The following PTPRN2 variants were observed in gnomAD, a reference collection of about 807,000 sequenced individuals.
The protein encoded by PTPRN2 is protein tyrosine phosphatase receptor type N2, also known as receptor-type tyrosine-protein phosphatase N2.
A neutral mutation model predicts 118.8 loss-of-function variants in PTPRN2; 74 were observed. That is an observed-to-expected ratio of 0.62 (90% CI 0.52 to 0.76). PTPRN2 has a LOEUF of 0.76. Among genes scored for constraint, PTPRN2 ranks in the 30% least tolerant of loss-of-function variants. The pLI, the probability that PTPRN2 is intolerant of heterozygous loss-of-function variation, is 0.00. For missense variants in PTPRN2, 1,481 were observed against 1,394.4 expected, an observed-to-expected ratio of 1.06 and a Z score of -0.99; for synonymous variants, 641 against 608.0, an observed-to-expected ratio of 1.05 and a Z score of -0.80.
At chr7:158,185,768 T>A (rs1825079094) in intron 5 of PTPRN2, among the ~76,000 whole-genome samples, 1 of 152,186 alleles carries the variant, frequency 6.6e-6, no homozygotes, top group Non-Finnish European at 1.5e-5. Flanking sequence ...AGACTCGAGA[T>A]CCCTTTATGC....
At chr7:157,826,255 A>G (rs975543561) in intron 12 of PTPRN2, among the ~76,000 whole-genome samples, 1 of 111,342 alleles carries the variant, frequency 9.0e-6, no homozygotes, top group African/African-American at 3.6e-5. Context: ...TGCTGTGCAA[A>G]GACGGCAGCA....
intron 11 of PTPRN2, among the ~76,000 whole-genome samples, chr7:158,009,480 GTA>G (rs1805890786): frequency 6.6e-6 from 1 of 152,018 alleles, no homozygotes; most frequent in Non-Finnish European, 1.5e-5. Context: ...AGAAATGTTG[GTA>G]TATGTGATTT....
chr7:157,706,358 C>T (rs1307651467), intron 12 of PTPRN2, among the ~76,000 whole-genome samples: 3 of 151,912 alleles, frequency 2.0e-5, no homozygotes, highest in East Asian at 1.9e-4. Context: ...CAGTGCCTTC[C>T]GGATCAACAT....
chr7:157,679,959 G>A (rs930872696), intron 13 of PTPRN2, among the ~76,000 whole-genome samples: 10 of 152,218 alleles, frequency 6.6e-5, no homozygotes, highest in East Asian at 1.9e-4. Flanking sequence ...CCACGCACCC[G>A]TCTCCTCCAC....
rs553706657 is a variant in PTPRN2, at chr7:157,771,454, C to G, written c.1789-88517G>C. Reference sequence around the variant, plus strand: ...CATGCCCTTCTGTGGCTTGCAGCAGCTGACACTGACACCTCTTTGCCAACT... The same window carrying G: ...CATGCCCTTCTGTGGCTTGCAGCAGGTGACACTGACACCTCTTTGCCAACT... On this transcript the variant is annotated intron_variant, in intron 12 of 22. Transcript: ENST00000389418. Among the ~76,000 whole-genome samples the G allele has an allele frequency of 2.0e-5, 3 of 152,374 alleles. No homozygotes were observed. The East Asian group carries it at 5.8e-4, about 29-fold the overall frequency.
intron 6 of PTPRN2, among the ~76,000 whole-genome samples, chr7:158,144,379 C>T (rs921589937): frequency 9.2e-5 from 14 of 152,114 alleles, no homozygotes; most frequent in African/African-American, 1.7e-4. Flanking sequence ...GGCTCACACC[C>T]GTAATCCCAG....
intron 2 of PTPRN2, among the ~76,000 whole-genome samples, chr7:158,364,134 A>T (rs1331565360): frequency 6.6e-6 from 1 of 151,998 alleles, no homozygotes; most frequent in African/African-American, 2.4e-5. Context: ...TTCCCCCAGC[A>T]GGGTCTGCAG....
chr7:158,013,903 T>A (rs1252274065), intron 11 of PTPRN2, among the ~76,000 whole-genome samples: 1 of 61,620 alleles, frequency 1.6e-5, no homozygotes, highest in East Asian at 6.8e-4. Context: ...TACCTGTTCA[T>A]CCATCCATCT....
intron 12 of PTPRN2, among the ~76,000 whole-genome samples, chr7:157,804,598 A>G (rs868776994): frequency 5.3e-5 from 8 of 152,136 alleles, no homozygotes; most frequent in Middle Eastern, 3.2e-3. Flanking sequence ...ATAGCTCTAG[A>G]TGAGGGGTGA....
At chr7:158,002,116 G>A (rs1052975992) in intron 11 of PTPRN2, among the ~76,000 whole-genome samples, 1 of 152,208 alleles carries the variant, frequency 6.6e-6, no homozygotes, top group Non-Finnish European at 1.5e-5. Context: ...CCACCGAGGC[G>A]GGAGCCACAT....
intron 6 of PTPRN2, among the ~76,000 whole-genome samples, chr7:158,138,765 C>T (rs551616865): frequency 6.6e-6 from 1 of 152,210 alleles, no homozygotes. Context: ...ACAGACTCAT[C>T]CACGCGCTCA....
intron 19 of PTPRN2, among the ~76,000 whole-genome samples, chr7:157,574,593 A>G (rs1017804719): frequency 1.3e-5 from 2 of 152,192 alleles, no homozygotes; most frequent in African/African-American, 4.8e-5. Context: ...GTTTCTCTTT[A>G]AAGTGTAAAT....
chr7:158,525,347 G>T lies in PTPRN2; in HGVS notation c.113-35562C>A, dbSNP rs1321598194. Among the ~76,000 whole-genome samples the T allele has an allele frequency of 6.6e-6, 1 of 152,236 alleles. No homozygotes were observed. Among genetic ancestry groups the T allele is most frequent in the Non-Finnish European group, 1.5e-5 (1 of 68,044 alleles). On this transcript the variant is annotated intron_variant, in intron 1 of 22. Transcript: ENST00000389418. The surrounding 1 kb of genome is among the most constrained non-coding windows in gnomAD (Gnocchi z 4.1). ...TGAGACCCGAGCAGAAGCTGCAGCAGAAGGTAGCACGGGCAGGATGCTAGG... is the reference window on the plus strand; with the variant it reads ...TGAGACCCGAGCAGAAGCTGCAGCATAAGGTAGCACGGGCAGGATGCTAGG...
intron 11 of PTPRN2, among the ~76,000 whole-genome samples, chr7:158,010,971 C>T (rs895223347): frequency 2.0e-5 from 3 of 152,190 alleles, no homozygotes; most frequent in Non-Finnish European, 4.4e-5. Context: ...GAATAACAAT[C>T]GCCTCCACGG....
At chr7:157,989,446 A>G (rs56067552) in intron 11 of PTPRN2, among the ~76,000 whole-genome samples, 10,145 of 152,172 alleles carry the variant, frequency 0.067, 418 homozygotes, top group South Asian at 0.18. Context: ...AGAGAAAAAG[A>G]AAAGAAAGAA....
intron 8 of PTPRN2, among the ~76,000 whole-genome samples, chr7:158,134,514 T>C (rs939158856): frequency 6.6e-6 from 1 of 152,162 alleles, no homozygotes; most frequent in Non-Finnish European, 1.5e-5. Context: ...CTGTACTAAA[T>C]GCGTTATCTG....
intron 12 of PTPRN2, among the ~76,000 whole-genome samples, chr7:157,701,046 C>G (rs1798042916): frequency 6.6e-6 from 1 of 152,370 alleles, no homozygotes; most frequent in Non-Finnish European, 1.5e-5. Flanking sequence ...GTCAGCATGA[C>G]AGCAGCGGCT....
At chr7:158,122,120 C>T (rs1817223089) in intron 9 of PTPRN2, among the ~76,000 whole-genome samples, 1 of 152,170 alleles carries the variant, frequency 6.6e-6, no homozygotes, top group Admixed American at 6.5e-5. Flanking sequence ...ACTAATATTG[C>T]CGTAGAAGAG....
Position 157,560,752 on chromosome 7 carries a change from T to G in PTPRN2, c.2902+8150A>C, listed in dbSNP as rs533176927. 6.6e-5 allele frequency among the ~76,000 whole-genome samples: 10 copies of G among 152,316 alleles called. No individual in the cohort carries two copies. The highest frequency in any genetic ancestry group is 4.6e-4 in the Admixed American group (7 of 15,304). On this transcript the variant is annotated intron_variant, in intron 21 of 22. Transcript: ENST00000389418. The surrounding 1 kb of genome is among the most constrained non-coding windows in gnomAD (Gnocchi z 6.7). ...ACCTCACCCAATTCTGGGCACTTTT[T>G]CAGCCTGAAACTTGCCTGAGCGAGA...
Sources: allele counts gnomAD v4.1 joint callset (sites outside exome capture counted in the v4.1 genomes callset), GRCh38; gene constraint gnomAD v4.1.1; non-coding constraint Gnocchi (gnomAD v3.1); transcripts MANE v1.5; gene names NCBI Gene and HGNC (gene_info 2026-07-23, HGNC 2026-07-21).